The following BDP1 variants were observed in gnomAD, a reference collection of about 807,000 sequenced individuals.
The protein encoded by BDP1 is BDP1 general transcription factor IIIB subunit.
BDP1 carries 169 observed loss-of-function variants against 266.6 expected under a neutral mutation model. The observed-to-expected ratio is 0.63, with a 90% CI of 0.56 to 0.72. The LOEUF (loss-of-function observed/expected upper bound fraction) is 0.72. Ranked by LOEUF, BDP1 falls within the 30% of genes least tolerant of loss-of-function variation. BDP1 has a pLI of 0.00. For synonymous variants in BDP1, 1,090 were observed against 1,022.4 expected, an observed-to-expected ratio of 1.07 and a Z score of -1.26; for missense variants, 3,015 against 3,053.8, an observed-to-expected ratio of 0.99 and a Z score of 0.30.
chr5:71,468,329 A>AT (rs1040862977), intron 6 of BDP1, among the ~76,000 whole-genome samples: 63 of 150,944 alleles, frequency 4.2e-4, no homozygotes, highest in African/African-American at 1.3e-3. Context: ...TGTGTTTTGG[A>AT]TTTTTTGAAG....
chr5:71,562,226 A>AAAT, intron 37 of BDP1, 48 bp from the exon 38 acceptor site: 3 of 981,768 alleles, frequency 3.1e-6, no homozygotes, highest in Admixed American at 2.5e-5. Context: ...AAAAAAAAGA[A>AAAT]TGTGTCTTCC....
chr5:71,545,520 C>T (rs187971886), intron 32 of BDP1: 30 of 331,662 alleles, frequency 9.0e-5, no homozygotes, highest in Middle Eastern at 8.4e-4. Context: ...TTAGTAGAGA[C>T]GGGATTCGCC....
intron 10 of BDP1, among the ~76,000 whole-genome samples, chr5:71,490,202 A>G (rs1373980110): frequency 6.6e-6 from 1 of 152,166 alleles, no homozygotes; most frequent in Non-Finnish European, 1.5e-5. Flanking sequence ...TTAAGAGTTC[A>G]TATGTAGATT....
At chr5:71,560,796 G>T (rs1743594256) in intron 37 of BDP1, among the ~76,000 whole-genome samples, 1 of 152,214 alleles carries the variant, frequency 6.6e-6, no homozygotes, top group South Asian at 2.1e-4. Context: ...ACTGAAAGAG[G>T]TGGGGGAACA....
At chr5:71,496,608 G>A (rs1025842408) in intron 12 of BDP1, among the ~76,000 whole-genome samples, 1 of 152,042 alleles carries the variant, frequency 6.6e-6, no homozygotes, top group African/African-American at 2.4e-5. Context: ...CAGAGACGGA[G>A]TCTTGCTCTT....
In BDP1 at chr5:71,551,865, C is replaced by G. The variant is rs953438005; in HGVS notation, c.6996-1251C>G. On this transcript the variant is annotated intron_variant, in intron 34 of 38. Transcript: ENST00000358731. ...GTAGGGGCAGCCAGACAGAGGCGCC[C>G]CTCACCTCCCGGACGGGGCAGCTGG... Among the ~76,000 whole-genome samples, 13 of 149,942 alleles carry G rather than the reference C, an allele frequency of 8.7e-5. 1 individual carries two copies. The highest frequency in any genetic ancestry group is 3.2e-4 in the African/African-American group (13 of 40,776).
rs1561780075 is a variant in BDP1 at position 71,549,590 on chromosome 5, G to A, written c.6979G>A (p.Glu2327Lys). Reference protein sequence around the residue: ...PILVKSVNTEERGDMSICLPA... With the variant: ...PILVKSVNTEKRGDMSICLPA... ...ATTGGTCAAATCAGTGAATACCGAA[G>A]AAAGGGGTGACATGAGGTAACGAAT... Residue 2327 changes from glutamate to lysine, a missense_variant, in exon 34 of 39, where the codon GAA becomes AAA. Coordinates refer to ENST00000358731, the MANE Select transcript of BDP1 (RefSeq NM_018429.3). 6.2e-7 allele frequency: 1 copy of A among 1,603,218 alleles called. No individual in the cohort carries two copies.
At chr5:71,535,953 A>C (rs1454666679) in intron 26 of BDP1, among the ~76,000 whole-genome samples, 1 of 152,170 alleles carries the variant, frequency 6.6e-6, no homozygotes, top group African/African-American at 2.4e-5. Context: ...TCATATTCAC[A>C]TTATTTGGGT....
rs767046235 is a variant in BDP1 at position 71,532,336 on chromosome 5, T to G, written c.5801T>G (p.Val1934Gly). Reference protein sequence around the residue: ...ELEITVNVPDVGCIAVVEHEL... With the variant: ...ELEITVNVPDGGCIAVVEHEL... ...GAAATAACTGTGAATGTCCCAGATG[T>G]AGGATGCATAGCTGTTGTTGAACAT... The change falls in exon 26 of 39, where the codon GTA becomes GGA. Residue 1934 changes from valine (V) to glycine (G), a missense_variant. By Grantham distance (109) the Val-to-Gly change is moderately radical. Coordinates refer to ENST00000358731, the MANE Select transcript of BDP1 (RefSeq NM_018429.3). The G allele has an allele frequency of 9.9e-6, 16 of 1,613,444 alleles. No homozygotes were observed. Among genetic ancestry groups the G allele is most frequent in the Non-Finnish European group, 1.4e-5 (16 of 1,179,656 alleles).
intron 32 of BDP1, 64 bp from the exon 33 acceptor site, chr5:71,548,618 G>T: frequency 1.0e-6 from 1 of 981,608 alleles, no homozygotes; most frequent in Non-Finnish European, 1.6e-6. Flanking sequence ...CATATTGACA[G>T]GAATAACTTT....
intron 16 of BDP1, 148 bp from the exon 17 acceptor site, chr5:71,509,317 T>C (rs530450633): frequency 8.4e-5 from 66 of 785,862 alleles, no homozygotes; most frequent in Non-Finnish European, 1.2e-4. Flanking sequence ...CTTTTAATTT[T>C]TAAATTTTAC....
At position 71,464,059 on chromosome 5, in the gene BDP1, T is replaced by G. The variant is rs1300645440; in HGVS notation, c.601T>G (p.Ser201Ala). 1.3e-6 allele frequency: 2 copies of G among 1,540,294 alleles called. No homozygotes were observed. Among genetic ancestry groups the G allele is most frequent in the Admixed American group, 3.7e-5 (2 of 53,770 alleles). ...YYLPDNNPMT[S>A]SLEQEKKTEK... ...GATATTGTTATTTATGTTCAATAGT[T>G]CTTCACTGGAACAAGAAAAGAAAAC... is the stretch of plus-strand genomic sequence containing the variant. Residue 201 changes from serine (S) to alanine (A), a missense_variant and splice_region_variant, in exon 4 of 39, where the codon TCT (serine) becomes GCT (alanine). This residue lies in a region of BDP1 where 2,383 missense variants were observed against 2,404.9 expected (regional missense o/e 0.99). Transcript: ENST00000358731.
At position 71,513,342 on chromosome 5, in the gene BDP1, A is replaced by G. The variant is rs1698063; in HGVS notation, c.4405A>G (p.Lys1469Glu). 0.45 allele frequency: 715,865 copies of G among 1,598,544 alleles called. 162,808 individuals are homozygous for G. The highest frequency in any genetic ancestry group is 0.48 in the South Asian group (43,108 of 89,592). The change falls in exon 19 of 39, where the codon AAG (lysine) becomes GAG (glutamate). Residue 1469 changes from lysine (K) to glutamate (E), a missense_variant. Coordinates refer to ENST00000358731, the MANE Select transcript of BDP1 (RefSeq NM_018429.3). ...KYIYEKKSET[K>E]KMETIVMQEN... The stretch of plus-strand genomic sequence containing the variant: ...TATATATGAGAAGAAATCAGAAACC[A>G]AGAAAATGGAGACTATTGTGATGCA...
chr5:71,564,822 G>A lies in BDP1; in HGVS notation c.7812G>A (p.Glu2604=). 6.2e-7 allele frequency: 1 copy of A among 1,611,632 alleles called. No individual in the cohort carries two copies. The highest frequency in any genetic ancestry group is 1.1e-5 in the South Asian group (1 of 90,882). Residue 2604 remains glutamate, a synonymous_variant, in exon 39 of 39, where the codon GAG becomes GAA. Transcript: ENST00000358731. ...CCCAAAAGCGGGCCCCTCAAGGGGA[G>A]GCAACCACAGTCTCTGAATATTTCT... ...KSAQKRAPQG[E]ATTVSEYFFN...
intron 20 of BDP1, 134 bp downstream of exon 20, chr5:71,515,256 C>A: frequency 1.5e-6 from 1 of 689,374 alleles, no homozygotes; most frequent in Non-Finnish European, 2.3e-6. Flanking sequence ...ATTGATACAG[C>A]AGACTGCCTA....
At position 71,530,018 on chromosome 5, in the gene BDP1, A is replaced by G. The variant is rs527500621; in HGVS notation, c.5773-2290A>G. Among the ~76,000 whole-genome samples, 239 of 152,364 alleles carry G rather than the reference A, an allele frequency of 1.6e-3. 2 individuals are homozygous for G. The highest frequency in any genetic ancestry group is 2.8e-3 in the Non-Finnish European group (190 of 68,040). ...ATTGCACATATCTGTGAATATCCCA[A>G]AATACATTGAATTGTACACCTTAAG... On this transcript the variant is annotated intron_variant, in intron 25 of 38. Coordinates refer to ENST00000358731, the MANE Select transcript of BDP1 (RefSeq NM_018429.3).
Position 71,522,288 on chromosome 5 carries a change from G to C in BDP1, c.4992-1G>C. 2 of 1,609,924 alleles carry C rather than the reference G, an allele frequency of 1.2e-6. No individual in the cohort carries two copies. Among genetic ancestry groups the C allele is most frequent in the Non-Finnish European group, 1.7e-6 (2 of 1,177,970 alleles). ...TCAACATGATTCATACTTCATTCTA[G>C]ACATGAAAATAAACCGTATGTTCCT... On this transcript the variant is annotated splice_acceptor_variant, in intron 22 of 38. Transcript: ENST00000358731. LOFTEE classifies it high-confidence loss of function.
At chr5:71,468,952 T>C (rs894668377) in intron 6 of BDP1, among the ~76,000 whole-genome samples, 1 of 152,140 alleles carries the variant, frequency 6.6e-6, no homozygotes, top group Admixed American at 6.6e-5. Context: ...CCTCAGATAA[T>C]ATTGTATAAT....
At chr5:71,493,566 A>G (rs1306797496) in intron 11 of BDP1, among the ~76,000 whole-genome samples, 1 of 152,186 alleles carries the variant, frequency 6.6e-6, no homozygotes, top group Non-Finnish European at 1.5e-5. Context: ...CCTTGTAATG[A>G]CTGTTAAAGT....
Sources: gnomAD v4.1 joint callset for allele counts (sites outside exome capture counted in the v4.1 genomes callset) on GRCh38, gnomAD v4.1.1 for gene constraint, gnomAD v4.1.1 regional missense constraint, MANE v1.5 for transcripts, NCBI Gene and HGNC (gene_info 2026-07-23, HGNC 2026-07-21) for gene names.